Variants in ADAMTS6 observed in about 807,000 individuals in gnomAD.
ADAMTS6 encodes A disintegrin and metalloproteinase with thrombospondin motifs 6.
Under a neutral mutation model 144.3 loss-of-function variants are expected in ADAMTS6, and 23 were observed. That is an observed-to-expected ratio of 0.16 (90% CI 0.11 to 0.23). The LOEUF (loss-of-function observed/expected upper bound fraction) is 0.23. Ranked by LOEUF, ADAMTS6 falls within the 10% of genes least tolerant of loss-of-function variation. The pLI is 1.00. For synonymous variants in ADAMTS6, 444 were observed against 457.5 expected, an observed-to-expected ratio of 0.97 and a Z score of 0.38; for missense variants, 999 against 1,379.6, an observed-to-expected ratio of 0.72 and a Z score of 4.37.
At chr5:65,308,531 C>A (rs538368964) in intron 9 of ADAMTS6, among the ~76,000 whole-genome samples, 2 of 152,098 alleles carry the variant, frequency 1.3e-5, no homozygotes, top group South Asian at 4.2e-4. Flanking sequence ...AACATAGGAT[C>A]TTAAGAATTG....
chr5:65,334,153 A>T, intron 7 of ADAMTS6, 68 bp from the exon 8 acceptor site: 1 of 1,454,958 alleles, frequency 6.9e-7, no homozygotes, highest in Non-Finnish European at 9.2e-7. Flanking sequence ...TATATTCATC[A>T]TACTTCTCTC....
intron 9 of ADAMTS6, among the ~76,000 whole-genome samples, chr5:65,309,693 T>C (rs1000070690): frequency 6.6e-6 from 1 of 152,170 alleles, no homozygotes; most frequent in East Asian, 1.9e-4. Flanking sequence ...TGTTCTACAA[T>C]TTGGCAACTG....
intron 9 of ADAMTS6, among the ~76,000 whole-genome samples, chr5:65,317,892 T>C (rs1745167849): frequency 6.6e-6 from 1 of 151,648 alleles, no homozygotes; most frequent in South Asian, 2.1e-4. Context: ...GCTAACACGG[T>C]GAAACCCTGT....
chr5:65,178,314 A>G (rs1754109556), intron 22 of ADAMTS6, among the ~76,000 whole-genome samples: 1 of 152,196 alleles, frequency 6.6e-6, no homozygotes, highest in Non-Finnish European at 1.5e-5. Context: ...TTTAGACGCA[A>G]TTGGAGTCCC....
Position 65,363,750 on chromosome 5 carries a change from T to C in ADAMTS6, c.1074-29665A>G, listed in dbSNP as rs577492304. 6.9e-4 allele frequency among the ~76,000 whole-genome samples: 105 copies of C among 152,318 alleles called. 1 individual carries two copies. In the East Asian group the frequency reaches 0.011, roughly 16 times the overall value. On this transcript the variant is annotated intron_variant, in intron 7 of 24. Transcript: ENST00000381055. ...ATATTCAATTAAGAATAAGAGACTT[T>C]TAAATAATCTTTAGGGAAAACTACC...
intron 12 of ADAMTS6, among the ~76,000 whole-genome samples, chr5:65,268,911 CCT>C (rs1424501014): frequency 1.3e-5 from 2 of 152,260 alleles, no homozygotes; most frequent in East Asian, 3.9e-4. Flanking sequence ...ATTTCTACCC[CCT>C]CCCTTTTAAA....
intron 7 of ADAMTS6, among the ~76,000 whole-genome samples, chr5:65,368,550 A>G (rs1750522013): frequency 6.6e-6 from 1 of 152,208 alleles, no homozygotes; most frequent in Admixed American, 6.5e-5. Flanking sequence ...TGAGGCTTTT[A>G]ATTCTTCTCT....
At chr5:65,259,626 G>GA (rs1437421194) in intron 14 of ADAMTS6, among the ~76,000 whole-genome samples, 46 of 152,238 alleles carry the variant, frequency 3.0e-4, no homozygotes, top group African/African-American at 1.0e-3. Context: ...AGCAATTCTA[G>GA]AAAAAATAAT....
chr5:65,425,200 T>A (rs1756406905), intron 7 of ADAMTS6, among the ~76,000 whole-genome samples: 1 of 152,174 alleles, frequency 6.6e-6, no homozygotes, highest in African/African-American at 2.4e-5. Context: ...ATTTCGTATT[T>A]TCGTGTATTT....
At chr5:65,416,776 CAACAAAATAA>C (rs1561522708) in intron 7 of ADAMTS6, among the ~76,000 whole-genome samples, 3 of 144,974 alleles carry the variant, frequency 2.1e-5, no homozygotes, top group African/African-American at 2.6e-5. Context: ...CCAACAACAA[CAACAAAATAA>C]AATAAAATAA....
At chr5:65,406,527 T>C (rs533202605) in intron 7 of ADAMTS6, among the ~76,000 whole-genome samples, 62 of 152,286 alleles carry the variant, frequency 4.1e-4, no homozygotes, top group African/African-American at 1.5e-3. Context: ...AGCTTTTTGA[T>C]GTGCTGCTGG....
At chr5:65,233,640 T>G (rs561037744) in intron 15 of ADAMTS6, among the ~76,000 whole-genome samples, 14 of 152,010 alleles carry the variant, frequency 9.2e-5, no homozygotes, top group African/African-American at 3.4e-4. Flanking sequence ...AAGACACAAA[T>G]AATGGAAAGA....
intron 7 of ADAMTS6, among the ~76,000 whole-genome samples, chr5:65,340,311 T>A (rs1315476406): frequency 6.6e-6 from 1 of 152,108 alleles, no homozygotes; most frequent in Admixed American, 6.5e-5. Context: ...ATATATTATT[T>A]CACAGACAAG....
At chr5:65,201,312 A>G (rs1755724288) in intron 20 of ADAMTS6, among the ~76,000 whole-genome samples, 1 of 150,968 alleles carries the variant, frequency 6.6e-6, no homozygotes, top group Non-Finnish European at 1.5e-5. Flanking sequence ...TAGCTGCCCA[A>G]TGTTCTCATG....
intron 20 of ADAMTS6, chr5:65,210,377 G>C (rs1335774579): frequency 5.9e-6 from 1 of 168,576 alleles, no homozygotes; most frequent in Admixed American, 6.3e-5. Context: ...CGTGAACCCG[G>C]GAGGCGGAGC....
intron 2 of ADAMTS6, among the ~76,000 whole-genome samples, chr5:65,472,046 A>G (rs890329317): frequency 2.0e-5 from 3 of 152,264 alleles, no homozygotes; most frequent in Non-Finnish European, 2.9e-5. Flanking sequence ...GTATATCCAC[A>G]CAATGCAATA....
At chr5:65,333,940 A>G (rs1747025026) in intron 8 of ADAMTS6, 102 bp downstream of exon 8, 6 of 1,185,654 alleles carry the variant, frequency 5.1e-6, no homozygotes, top group Non-Finnish European at 6.5e-6. Context: ...GACCAAATTA[A>G]TAATAAAGAT....
chr5:65,182,599 T>C (rs1352859726), intron 22 of ADAMTS6, among the ~76,000 whole-genome samples: 8 of 152,278 alleles, frequency 5.3e-5, no homozygotes, highest in Non-Finnish European at 5.9e-5. Flanking sequence ...TTTACAGGTG[T>C]GGAAACTGAA....
intron 9 of ADAMTS6, among the ~76,000 whole-genome samples, chr5:65,328,809 T>G (rs1467948884): frequency 6.6e-6 from 1 of 152,072 alleles, no homozygotes; most frequent in African/African-American, 2.4e-5. Context: ...AGTTTTTCCT[T>G]TGGCACAGGT....
Sources: gnomAD v4.1 joint callset for allele counts (sites outside exome capture counted in the v4.1 genomes callset) on GRCh38, gnomAD v4.1.1 for gene constraint, MANE v1.5 for transcripts, NCBI Gene and HGNC (gene_info 2026-07-23, HGNC 2026-07-21) for gene names.